The following DDAH1 variants were observed in gnomAD, a reference collection of about 807,000 sequenced individuals.
The protein encoded by DDAH1 is dimethylarginine dimethylaminohydrolase 1.
A neutral mutation model predicts 28.8 loss-of-function variants in DDAH1; 19 were observed. The observed-to-expected ratio is 0.66, with a 90% CI of 0.46 to 0.97. DDAH1 has a LOEUF of 0.97. DDAH1 is among the 50% of genes least tolerant of loss of function. The pLI, the probability that DDAH1 is intolerant of heterozygous loss-of-function variation, is 0.00. For missense variants in DDAH1, 326 were observed against 375.9 expected, an observed-to-expected ratio of 0.87 and a Z score of 1.10; for synonymous variants, 153 against 154.4, an observed-to-expected ratio of 0.99 and a Z score of 0.07.
intron 1 of DDAH1, among the ~76,000 whole-genome samples, chr1:85,416,670 C>A (rs1463669046): frequency 6.6e-6 from 1 of 152,000 alleles, no homozygotes; most frequent in Non-Finnish European, 1.5e-5. Context: ...GCCTTCTTTT[C>A]TTTTTTTCTT....
At position 85,320,376 on chromosome 1, in the gene DDAH1, GCTCATATTAGA is replaced by G. The variant is rs1234824585; in HGVS notation, c.*1065_*1075del. On this transcript the variant is annotated 3_prime_UTR_variant, in exon 6 of 6. Coordinates refer to ENST00000284031, the MANE Select transcript of DDAH1 (RefSeq NM_012137.4). ...TGACCATGAGGAGCTGTTTACTCTG[GCTCATATTAGA>G]CTACCAGTAATTATTTTCAGACATG... The G allele has an allele frequency of 6.6e-6, 1 of 152,532 alleles. No individual in the cohort carries two copies. The highest frequency in any genetic ancestry group is 1.5e-5 in the Non-Finnish European group (1 of 68,032). 9.4% of individuals were successfully genotyped at this position (152,532 alleles called of 1,614,324 possible). A position where few individuals can be genotyped will look rare whatever the true frequency, so the allele number is the denominator to read the frequency against.
rs1652475089 is a variant in DDAH1, at chr1:85,407,798, C to G, written c.304-48951G>C. ...ACATTATGTAACAGATATCCCATGT[C>G]TCTAAGTTTATGCATACATGTAAAG... is the stretch of plus-strand genomic sequence containing the variant. On this transcript the variant is annotated intron_variant, in intron 1 of 5. Coordinates refer to ENST00000284031, the MANE Select transcript of DDAH1 (RefSeq NM_012137.4). Among the ~76,000 whole-genome samples the G allele has an allele frequency of 2.6e-5, 4 of 152,118 alleles. No individual in the cohort carries two copies. In the South Asian group the frequency reaches 6.2e-4, roughly 24 times the overall value.
At chr1:85,409,148 C>T (rs1652532520) in intron 1 of DDAH1, among the ~76,000 whole-genome samples, 1 of 152,044 alleles carries the variant, frequency 6.6e-6, no homozygotes, top group African/African-American at 2.4e-5. Flanking sequence ...TTTTTTTTAG[C>T]TCACCAGCTA....
At chr1:85,466,918 A>T (rs1257108602), upstream of DDAH1, among the ~76,000 whole-genome samples, 1 of 126,710 alleles carries the variant, frequency 7.9e-6, no homozygotes, top group Non-Finnish European at 1.5e-5. Context: ...GCTCACTGCA[A>T]CCTCTGCAAC....
At chr1:85,554,746 C>T (rs553670636) in intron 1 of DDAH1, among the ~76,000 whole-genome samples, 1 of 152,268 alleles carries the variant, frequency 6.6e-6, no homozygotes, top group South Asian at 2.1e-4. Flanking sequence ...GTTTGGGGAG[C>T]CTAATGAAGA....
intron 1 of DDAH1, among the ~76,000 whole-genome samples, chr1:85,453,774 C>T (rs190400376): frequency 2.3e-4 from 35 of 152,302 alleles, no homozygotes; most frequent in African/African-American, 7.7e-4. Context: ...TGGATTCTTA[C>T]ATAAGGCAGG....
chr1:85,336,418 C>T (rs953912368), intron 4 of DDAH1, among the ~76,000 whole-genome samples: 2 of 151,630 alleles, frequency 1.3e-5, no homozygotes, highest in African/African-American at 4.8e-5. Flanking sequence ...GGAAATTAAA[C>T]AACATGCTCC....
At chr1:85,349,277 G>A (rs981688307) in intron 4 of DDAH1, among the ~76,000 whole-genome samples, 9 of 152,200 alleles carry the variant, frequency 5.9e-5, no homozygotes, top group African/African-American at 2.2e-4. Context: ...CAAAGATACC[G>A]TTTGGGAAGA....
intron 4 of DDAH1, among the ~76,000 whole-genome samples, chr1:85,337,628 A>G (rs1441616612): frequency 6.6e-6 from 1 of 151,956 alleles, no homozygotes; most frequent in Admixed American, 6.6e-5. Flanking sequence ...TAATTTTTGT[A>G]TTTTTAGTAA....
At chr1:85,540,076 T>A (rs955087399) in intron 1 of DDAH1, among the ~76,000 whole-genome samples, 19 of 152,096 alleles carry the variant, frequency 1.2e-4, no homozygotes, top group African/African-American at 4.3e-4. Context: ...TAATAAAAAA[T>A]TATTACATTA....
intron 1 of DDAH1, among the ~76,000 whole-genome samples, chr1:85,463,435 T>C (rs1655211969): frequency 6.6e-6 from 1 of 152,212 alleles, no homozygotes; most frequent in Non-Finnish European, 1.5e-5. Flanking sequence ...CATTAGAAAG[T>C]ATTCAAATGG....
At chr1:85,441,518 C>T (rs560016586) in intron 1 of DDAH1, among the ~76,000 whole-genome samples, 12 of 144,138 alleles carry the variant, frequency 8.3e-5, no homozygotes, top group East Asian at 4.1e-4. Context: ...TCCAGCCTGG[C>T]GACAGAGTAA....
intron 1 of DDAH1, among the ~76,000 whole-genome samples, chr1:85,402,566 T>C (rs1489241226): frequency 1.3e-5 from 2 of 152,182 alleles, no homozygotes; most frequent in Admixed American, 6.5e-5. Flanking sequence ...TTGTATATTT[T>C]TCTGGTAAAT....
chr1:85,419,833 A>AT (rs1653058695), intron 1 of DDAH1, among the ~76,000 whole-genome samples: 1 of 152,036 alleles, frequency 6.6e-6, no homozygotes, highest in Non-Finnish European at 1.5e-5. Flanking sequence ...TTTCAGACTT[A>AT]TTTTTTAAGA....
chr1:85,402,587 T>A (rs905798629), intron 1 of DDAH1, among the ~76,000 whole-genome samples: 14 of 152,172 alleles, frequency 9.2e-5, no homozygotes, highest in Non-Finnish European at 2.1e-4. Context: ...ATAGCTGAAC[T>A]AAGATTACAT....
chr1:85,568,036 G>A (rs1317650213), intron 1 of DDAH1, among the ~76,000 whole-genome samples: 1 of 151,948 alleles, frequency 6.6e-6, no homozygotes, highest in East Asian at 1.9e-4. Context: ...AATCATACCT[G>A]GAAAATATCC....
upstream of DDAH1, among the ~76,000 whole-genome samples, chr1:85,469,413 A>C (rs1655538658): frequency 6.6e-6 from 1 of 152,224 alleles, no homozygotes; most frequent in Non-Finnish European, 1.5e-5. Context: ...TGTTACTTAA[A>C]AACTCTTTGC....
intron 2 of DDAH1, among the ~76,000 whole-genome samples, chr1:85,491,424 T>A (rs1656399089): frequency 1.3e-5 from 2 of 152,216 alleles, no homozygotes; most frequent in African/African-American, 4.8e-5. Flanking sequence ...GACAAAGGAA[T>A]CCTCTTTCTT....
chr1:85,365,242 C>T (rs1650011472), intron 1 of DDAH1, among the ~76,000 whole-genome samples: 2 of 152,124 alleles, frequency 1.3e-5, no homozygotes, highest in Admixed American at 1.3e-4. Flanking sequence ...TTATTCTTTC[C>T]TACACAATAT....
Sources: gnomAD v4.1 joint callset for allele counts (sites outside exome capture counted in the v4.1 genomes callset) on GRCh38, gnomAD v4.1.1 for gene constraint, MANE v1.5 for transcripts, NCBI Gene and HGNC (gene_info 2026-07-23, HGNC 2026-07-21) for gene names.